Variants in DPP10 observed in about 807,000 individuals in gnomAD.
DPP10 encodes the protein dipeptidyl peptidase like 10.
In DPP10, 33 loss-of-function variants were observed where a neutral mutation model predicts 120.9. That is an observed-to-expected ratio of 0.27 (90% confidence interval 0.21 to 0.37). The LOEUF is 0.37. Ranked by LOEUF, DPP10 falls within the 10% of genes least tolerant of loss-of-function variation. DPP10 has a pLI of 1.00. For synonymous variants in DPP10, 337 were observed against 326.1 expected (o/e 1.03, Z -0.36); for missense variants, 816 against 942.8 (o/e 0.87, Z 1.76).
intron 1 of DPP10, among the ~76,000 whole-genome samples, chr2:114,606,809 C>A (rs1479752530): frequency 6.6e-6 from 1 of 152,164 alleles, no homozygotes; most frequent in Non-Finnish European, 1.5e-5. Context: ...ACTCTCTTAT[C>A]TAAGTGCTGT....
intron 11 of DPP10, among the ~76,000 whole-genome samples, chr2:115,757,018 G>A (rs1679497684): frequency 2.0e-5 from 3 of 152,122 alleles, no homozygotes; most frequent in Non-Finnish European, 4.4e-5. Context: ...TACTCCGTAA[G>A]ATTTTACCTC....
At chr2:114,480,858 A>G (rs998203228) in intron 1 of DPP10, among the ~76,000 whole-genome samples, 1 of 145,888 alleles carries the variant, frequency 6.9e-6, no homozygotes, top group Non-Finnish European at 1.5e-5. Flanking sequence ...AAAGTATAAT[A>G]ATAATAATAA....
At chr2:115,084,581 G>A (rs928875125) in intron 1 of DPP10, among the ~76,000 whole-genome samples, 2 of 152,168 alleles carry the variant, frequency 1.3e-5, no homozygotes, top group Non-Finnish European at 2.9e-5. Context: ...TAATTCAGAA[G>A]CTGTTTTTGT....
intron 3 of DPP10, among the ~76,000 whole-genome samples, chr2:115,454,000 G>A (rs1049609734): frequency 3.3e-5 from 5 of 151,350 alleles, no homozygotes; most frequent in African/African-American, 1.2e-4. Flanking sequence ...ATAAAGTCAT[G>A]GAAGGACCCA....
chr2:115,485,784 G>A (rs905375508), intron 3 of DPP10, among the ~76,000 whole-genome samples: 5 of 152,054 alleles, frequency 3.3e-5, no homozygotes, highest in African/African-American at 1.2e-4. Flanking sequence ...CAATTATGTT[G>A]AGAACTATAA....
chr2:115,082,778 G>A (rs1708381162), intron 1 of DPP10, among the ~76,000 whole-genome samples: 1 of 152,182 alleles, frequency 6.6e-6, no homozygotes, highest in Admixed American at 6.5e-5. Context: ...AGAGGAACCA[G>A]TGTGGCCCAG....
intron 1 of DPP10, among the ~76,000 whole-genome samples, chr2:114,979,184 A>G (rs1312714202): frequency 2.0e-5 from 3 of 152,098 alleles, no homozygotes; most frequent in African/African-American, 7.2e-5. Context: ...TAAAATGGTA[A>G]ATATTGTTAT....
chr2:115,380,659 A>G (rs1057446849), intron 3 of DPP10, among the ~76,000 whole-genome samples: 1 of 151,848 alleles, frequency 6.6e-6, no homozygotes, highest in African/African-American at 2.4e-5. Flanking sequence ...GATGGTCTTT[A>G]CATTTTGGCA....
intron 5 of DPP10, among the ~76,000 whole-genome samples, chr2:115,615,149 A>C (rs1024650092): frequency 2.0e-5 from 3 of 152,042 alleles, no homozygotes; most frequent in African/African-American, 7.2e-5. Flanking sequence ...GTCATTACAG[A>C]GGAAAAAAAA....
intron 1 of DPP10, among the ~76,000 whole-genome samples, chr2:114,700,159 G>A (rs1217961852): frequency 6.6e-6 from 1 of 152,044 alleles, no homozygotes; most frequent in East Asian, 1.9e-4. Flanking sequence ...TTGTATGGAG[G>A]AGGAGTAACT....
At chr2:114,860,946 C>G (rs887850936) in intron 1 of DPP10, among the ~76,000 whole-genome samples, 36 of 152,144 alleles carry the variant, frequency 2.4e-4, no homozygotes, top group African/African-American at 8.2e-4. Context: ...CTTATATAAG[C>G]AAATCTTTTT....
At chr2:115,834,471 A>T (rs1457619099) in intron 21 of DPP10, among the ~76,000 whole-genome samples, 1 of 151,924 alleles carries the variant, frequency 6.6e-6, no homozygotes, top group East Asian at 1.9e-4. Context: ...TAGGGCTGAA[A>T]ATTAATTTCT....
intron 1 of DPP10, among the ~76,000 whole-genome samples, chr2:114,852,622 G>A (rs948842593): frequency 6.6e-6 from 1 of 151,958 alleles, no homozygotes. Context: ...TTCAGTTTCC[G>A]CGGCGGGGGC....
intron 5 of DPP10, among the ~76,000 whole-genome samples, chr2:115,610,849 G>A (rs6542279): frequency 0.99 from 150,486 of 152,296 alleles, 74,377 homozygotes; most frequent in East Asian, 1. Flanking sequence ...AAAGAAAGAA[G>A]AAGAAAATCA....
chr2:114,837,560 C>T (rs13385444), intron 1 of DPP10, among the ~76,000 whole-genome samples: 25,919 of 151,668 alleles, frequency 0.17, 2,887 homozygotes, highest in African/African-American at 0.32. Flanking sequence ...TGTGCTTATA[C>T]AATGGAAACC....
At chr2:114,733,697 GACA>G (rs1230519564) in intron 1 of DPP10, among the ~76,000 whole-genome samples, 1 of 152,110 alleles carries the variant, frequency 6.6e-6, no homozygotes, top group Non-Finnish European at 1.5e-5. Flanking sequence ...GACTGATAGT[GACA>G]ACATCTAATA....
chr2:114,802,949 T>TC (rs1684388982), intron 1 of DPP10, among the ~76,000 whole-genome samples: 1 of 152,200 alleles, frequency 6.6e-6, no homozygotes, highest in Non-Finnish European at 1.5e-5. Flanking sequence ...ACTTAACTTT[T>TC]CCCCTGGATT....
intron 1 of DPP10, among the ~76,000 whole-genome samples, chr2:115,221,754 GT>G (rs56077672): frequency 0.014 from 1,655 of 119,804 alleles, 12 homozygotes; most frequent in African/African-American, 0.044. Context: ...GTTTGTTTCT[GT>G]TTTTTTTTTT....
At chr2:114,778,346 T>C (rs1681949610) in intron 1 of DPP10, among the ~76,000 whole-genome samples, 1 of 152,188 alleles carries the variant, frequency 6.6e-6, no homozygotes, top group African/African-American at 2.4e-5. Flanking sequence ...TGCACTTTCA[T>C]ATAAATGTGA....
Sources: allele counts gnomAD v4.1 joint callset (sites outside exome capture counted in the v4.1 genomes callset), GRCh38; gene constraint gnomAD v4.1.1; transcripts MANE v1.5; gene names NCBI Gene and HGNC (gene_info 2026-07-23, HGNC 2026-07-21).